The following NIPAL3 variants were observed in gnomAD, a reference collection of about 807,000 sequenced individuals.
The protein encoded by NIPAL3 is NIPA-like protein 3.
A neutral mutation model predicts 47.2 loss-of-function variants in NIPAL3; 41 were observed. The observed-to-expected ratio is 0.87, with a 90% confidence interval of 0.68 to 1.13. NIPAL3 has a LOEUF of 1.13. Among genes scored for constraint, NIPAL3 ranks in the 50% most tolerant of loss-of-function variants. NIPAL3 has a pLI of 0.00. For missense variants in NIPAL3, 449 were observed against 530.1 expected, an observed-to-expected ratio of 0.85 and a Z score of 1.50; for synonymous variants, 194 against 209.6, an observed-to-expected ratio of 0.93 and a Z score of 0.64.
At position 24,454,139 on chromosome 1, in the gene NIPAL3, G is replaced by T. The variant is rs1477293011; in HGVS notation, c.637+635G>T. 8.1e-7 allele frequency: 1 copy of T among 1,239,256 alleles called. No individual in the cohort carries two copies. Among genetic ancestry groups the T allele is most frequent in the African/African-American group, 1.6e-5 (1 of 63,180 alleles). 76.8% of individuals were successfully genotyped at this position (1,239,256 alleles called of 1,614,324 possible). On this transcript the variant is annotated intron_variant, in intron 7 of 11. Coordinates refer to ENST00000374399, the MANE Select transcript of NIPAL3 (RefSeq NM_020448.5). This position sits in a 1 kb window ranked among gnomAD's most constrained non-coding sequence, Gnocchi z 4.1. ...CCTCCTGGCCTCAAGTGATCCCCCT[G>T]CCTCGGCCTCCCAAAGTGCCAGGAT...
At position 24,449,782 on chromosome 1, in the gene NIPAL3, G is replaced by A. The variant is rs1427666536; in HGVS notation, c.540+156G>A. Among the ~76,000 whole-genome samples the A allele has an allele frequency of 6.6e-6, 1 of 152,198 alleles. No individual in the cohort carries two copies. Among genetic ancestry groups the A allele is most frequent in the Non-Finnish European group, 1.5e-5 (1 of 68,046 alleles). On this transcript the variant is annotated intron_variant, in intron 6 of 11. Coordinates refer to ENST00000374399, the MANE Select transcript of NIPAL3 (RefSeq NM_020448.5). The surrounding 1 kb of genome is among the most constrained non-coding windows in gnomAD (Gnocchi z 4.5). ...TGCTTCTGGAGAGTACACAGCTCAT[G>A]GCGAAATGCTTGTTTCATTTATGTA...
intron 2 of NIPAL3, among the ~76,000 whole-genome samples, chr1:24,438,340 C>G (rs968036039): frequency 1.3e-5 from 2 of 151,866 alleles, no homozygotes; most frequent in African/African-American, 4.9e-5. Flanking sequence ...AGAGCTGGGA[C>G]TAGACTGGGG....
intron 2 of NIPAL3, among the ~76,000 whole-genome samples, chr1:24,424,666 G>A (rs1281291621): frequency 6.6e-6 from 1 of 152,188 alleles, no homozygotes; most frequent in Non-Finnish European, 1.5e-5. Context: ...GGCAGGAAAG[G>A]CAATGGGGCT....
Position 24,416,431 on chromosome 1 carries a change from C to A in NIPAL3, c.-258+527C>A. 2.8e-6 allele frequency: 2 copies of A among 711,408 alleles called. No homozygotes were observed. The highest frequency in any genetic ancestry group is 3.5e-6 in the Non-Finnish European group (2 of 579,556). 44.1% of individuals were successfully genotyped at this position (711,408 alleles called of 1,614,324 possible). On this transcript the variant is annotated intron_variant, in intron 1 of 11. Coordinates refer to ENST00000374399, the MANE Select transcript of NIPAL3 (RefSeq NM_020448.5). The surrounding 1 kb of genome is among the most constrained non-coding windows in gnomAD (Gnocchi z 4.8). ...CAGATCGTCGGGTGGTGGGAAAGAG[C>A]GTGTTTTATTGATTTGTTCAGAAAG...
chr1:24,420,843 G>A (rs1335091736), intron 2 of NIPAL3, among the ~76,000 whole-genome samples: 2 of 152,126 alleles, frequency 1.3e-5, no homozygotes, highest in Admixed American at 6.5e-5. Context: ...GAACATCCTG[G>A]AGTGTAAATC....
chr1:24,417,759 C>T (rs1644126219), intron 1 of NIPAL3, among the ~76,000 whole-genome samples: 1 of 152,202 alleles, frequency 6.6e-6, no homozygotes, highest in African/African-American at 2.4e-5. Context: ...TGGTGTTCCC[C>T]TTATCACATA....
intron 11 of NIPAL3, 93 bp from the exon 12 acceptor site, chr1:24,468,893 C>T (rs747443033): frequency 1.9e-5 from 21 of 1,129,264 alleles, no homozygotes; most frequent in South Asian, 1.1e-4. Flanking sequence ...AGCTGCTGAG[C>T]ACTATAATTA....
Position 24,449,471 on chromosome 1 carries a change from T to C in NIPAL3, c.395-10T>C. ...TGCAATGAGTCCGTGACAGCCTCTC[T>C]TCCCCGCAGGGCGCTACGTCTTGTC... On this transcript the variant is annotated splice_polypyrimidine_tract_variant and intron_variant, in intron 5 of 11. Coordinates refer to ENST00000374399, the MANE Select transcript of NIPAL3 (RefSeq NM_020448.5). The surrounding 1 kb of genome is among the most constrained non-coding windows in gnomAD (Gnocchi z 4.5). 1.2e-6 allele frequency: 2 copies of C among 1,612,734 alleles called. No individual in the cohort carries two copies. The highest frequency in any genetic ancestry group is 1.3e-5 in the African/African-American group (1 of 74,986).
intron 9 of NIPAL3, 43 bp from the exon 10 acceptor site, chr1:24,460,438 T>C (rs777940940): frequency 2.6e-6 from 4 of 1,537,644 alleles, no homozygotes; most frequent in African/African-American, 1.4e-5. Flanking sequence ...GATGGGTGAT[T>C]TGAAAACAGC....
intron 11 of NIPAL3, chr1:24,464,505 C>T (rs1646616559): frequency 6.5e-6 from 1 of 154,820 alleles, no homozygotes; most frequent in Non-Finnish European, 1.4e-5. Flanking sequence ...AATCTCACTC[C>T]CTGGATGCCA....
chr1:24,424,216 G>A (rs933498175), intron 2 of NIPAL3, among the ~76,000 whole-genome samples: 2 of 152,162 alleles, frequency 1.3e-5, no homozygotes, highest in Non-Finnish European at 2.9e-5. Flanking sequence ...AGTACTGGGT[G>A]GGGTAAAGAG....
At chr1:24,468,306 C>T (rs1188155394) in intron 11 of NIPAL3, among the ~76,000 whole-genome samples, 1 of 151,950 alleles carries the variant, frequency 6.6e-6, no homozygotes, top group African/African-American at 2.4e-5. Flanking sequence ...CAGAGCAAGA[C>T]CCTGTCTCAA....
At chr1:24,430,486 G>A (rs1330791639) in intron 2 of NIPAL3, among the ~76,000 whole-genome samples, 1 of 152,170 alleles carries the variant, frequency 6.6e-6, no homozygotes, top group Non-Finnish European at 1.5e-5. Flanking sequence ...CTGACCTCAA[G>A]TGATCCACCC....
intron 5 of NIPAL3, among the ~76,000 whole-genome samples, chr1:24,448,133 G>C (rs1446400794): frequency 1.3e-5 from 2 of 152,206 alleles, no homozygotes; most frequent in African/African-American, 4.8e-5. Context: ...GCCTAGTACT[G>C]AGAATAAAGA....
rs1469423331 is a variant in NIPAL3, at chr1:24,472,772, T to G, written c.*3587T>G. 1 of 152,208 alleles carries G rather than the reference T, an allele frequency of 6.6e-6. No homozygotes were observed. The highest frequency in any genetic ancestry group is 6.5e-5 in the Admixed American group (1 of 15,272). The allele number at this position is 152,208 out of a possible 1,614,324, so 9.4% of individuals were successfully genotyped here. A position where few individuals can be genotyped will look rare whatever the true frequency, so the allele number is the denominator to read the frequency against. On this transcript the variant is annotated 3_prime_UTR_variant, in exon 12 of 12. Coordinates refer to ENST00000374399, the MANE Select transcript of NIPAL3 (RefSeq NM_020448.5). ...CTTCCATGTGAATTCCAAAGCTGTT[T>G]CAACACTGGCTGATAGGCAGACAAA...
chr1:24,452,428 C>T (rs1482756038), intron 6 of NIPAL3, among the ~76,000 whole-genome samples: 2 of 152,132 alleles, frequency 1.3e-5, no homozygotes, highest in East Asian at 3.9e-4. Flanking sequence ...GTGAGTTTAA[C>T]GTAGATAAAA....
Position 24,470,636 on chromosome 1 carries a change from A to G in NIPAL3, c.*1451A>G, listed in dbSNP as rs1646872450. ...TCTCCATCCAATGAATACTACTTAG[A>G]GCTACACTCACCACTTCCCTAGACA... On this transcript the variant is annotated 3_prime_UTR_variant, in exon 12 of 12. Transcript: ENST00000374399. The G allele has an allele frequency of 6.6e-6, 1 of 152,228 alleles. No homozygotes were observed. The highest frequency in any genetic ancestry group is 1.5e-5 in the Non-Finnish European group (1 of 68,052). The allele number at this position is 152,228 out of a possible 1,614,324, so 9.4% of individuals were successfully genotyped here.
upstream of NIPAL3, chr1:24,413,580 G>A (rs1019417880): frequency 6.6e-6 from 1 of 152,354 alleles, no homozygotes; most frequent in Non-Finnish European, 1.5e-5. Flanking sequence ...AGGCCGGGGG[G>A]TCTCCGCGGG....
chr1:24,420,941 G>A (rs751790716), intron 2 of NIPAL3, among the ~76,000 whole-genome samples: 8 of 152,166 alleles, frequency 5.3e-5, no homozygotes, highest in South Asian at 2.1e-4. Flanking sequence ...TTAACAAGGG[G>A]ATTTTAATGA....
Sources: gnomAD v4.1 joint callset for allele counts (sites outside exome capture counted in the v4.1 genomes callset) on GRCh38, gnomAD v4.1.1 for gene constraint, Gnocchi (gnomAD v3.1) non-coding constraint, MANE v1.5 for transcripts, NCBI Gene and HGNC (gene_info 2026-07-23, HGNC 2026-07-21) for gene names.